SLC12A8: variants seen among roughly 807,000 people sequenced by gnomAD.
SLC12A8 encodes cation-chloride cotransporter 9.
A neutral mutation model predicts 75.6 loss-of-function variants in SLC12A8; 69 were observed. That is an observed-to-expected ratio of 0.91 (90% CI 0.75 to 1.11). SLC12A8 has a LOEUF of 1.11. SLC12A8 is among the 50% of genes most tolerant of loss of function. The pLI is 0.00. For synonymous variants in SLC12A8, 365 were observed against 372.8 expected, an observed-to-expected ratio of 0.98 and a Z score of 0.24; for missense variants, 877 against 896.7, an observed-to-expected ratio of 0.98 and a Z score of 0.28.
chr3:125,125,898 A>G (rs2107754528), intron 6 of SLC12A8: 1 of 980,846 alleles, frequency 1.0e-6, no homozygotes, highest in South Asian at 4.7e-5. Flanking sequence ...TGAGCTTATC[A>G]GTTATAATCG....
At chr3:125,146,515 C>T (rs1351357326) in intron 5 of SLC12A8, among the ~76,000 whole-genome samples, 3 of 152,236 alleles carry the variant, frequency 2.0e-5, no homozygotes, top group Non-Finnish European at 4.4e-5. Context: ...TTTCTTTCCA[C>T]AGCACCCTCC....
chr3:125,117,165 A>G (rs2107748446), intron 8 of SLC12A8, among the ~76,000 whole-genome samples: 1 of 152,328 alleles, frequency 6.6e-6, no homozygotes, highest in Admixed American at 6.5e-5. Flanking sequence ...ACCTGTGCTA[A>G]TGTGAAAACC....
At chr3:125,183,284 C>T (rs1343455084) in intron 4 of SLC12A8, among the ~76,000 whole-genome samples, 1 of 152,128 alleles carries the variant, frequency 6.6e-6, no homozygotes, top group Non-Finnish European at 1.5e-5. Flanking sequence ...TAAACGTATT[C>T]TATTTCCTCC....
intron 5 of SLC12A8, among the ~76,000 whole-genome samples, chr3:125,136,959 C>T (rs1933508192): frequency 6.6e-6 from 1 of 152,170 alleles, no homozygotes; most frequent in African/African-American, 2.4e-5. Context: ...TTGGTTTGTT[C>T]CTATTAACTG....
At chr3:125,113,776 C>A (rs1395497400) in intron 8 of SLC12A8, among the ~76,000 whole-genome samples, 1 of 152,162 alleles carries the variant, frequency 6.6e-6, no homozygotes, top group Non-Finnish European at 1.5e-5. Context: ...GTGAGCTACC[C>A]TGATTTCTTT....
At chr3:125,092,563 G>A (rs555842460) in intron 10 of SLC12A8, among the ~76,000 whole-genome samples, 93 of 152,276 alleles carry the variant, frequency 6.1e-4, no homozygotes, top group South Asian at 1.0e-3. Flanking sequence ...TGACCACCGG[G>A]ACTGCTAGGG....
chr3:125,193,784 T>C (rs762420204), intron 2 of SLC12A8, among the ~76,000 whole-genome samples: 2 of 152,074 alleles, frequency 1.3e-5, no homozygotes, highest in Non-Finnish European at 2.9e-5. Flanking sequence ...ATTCTCTGAG[T>C]GCCACCACCC....
chr3:125,139,957 T>C (rs1933588816), intron 5 of SLC12A8, among the ~76,000 whole-genome samples: 1 of 152,172 alleles, frequency 6.6e-6, no homozygotes, highest in East Asian at 1.9e-4. Context: ...GCATGGACCT[T>C]AAGGTTCGAG....
intron 5 of SLC12A8, among the ~76,000 whole-genome samples, chr3:125,141,151 C>T (rs746765097): frequency 1.5e-5 from 2 of 130,576 alleles, no homozygotes; most frequent in Admixed American, 1.7e-4. Flanking sequence ...TTAGGAAGAA[C>T]AAAAACAAAA....
intron 10 of SLC12A8, among the ~76,000 whole-genome samples, chr3:125,101,530 GT>G (rs1180241747): frequency 1.3e-5 from 2 of 152,124 alleles, no homozygotes; most frequent in Non-Finnish European, 2.9e-5. Context: ...CATCAGTTGT[GT>G]TTTGTCAGAA....
chr3:125,187,333 G>A lies in SLC12A8; in HGVS notation c.294C>T (p.Arg98=). The change falls in exon 4 of 14, where the codon CGC becomes CGT. Residue 98 remains arginine, a synonymous_variant. Transcript: ENST00000469902. ...TVLSGIGVGE[R]SSIGSGGVYS... is the part of the protein sequence containing the mutation. Reference sequence around the variant, plus strand: ...AGACGCCACCGCTGCCGATGCTGCTGCGCTCCCCGACGCCAATGCCAGACA... The same window carrying A: ...AGACGCCACCGCTGCCGATGCTGCTACGCTCCCCGACGCCAATGCCAGACA... The A allele has an allele frequency of 6.2e-7, 1 of 1,614,242 alleles. No homozygotes were observed.
intron 8 of SLC12A8, among the ~76,000 whole-genome samples, chr3:125,116,257 C>T (rs1002532358): frequency 2.6e-5 from 4 of 152,212 alleles, no homozygotes; most frequent in East Asian, 3.9e-4. Context: ...GCTGCACCTG[C>T]CCATTTCTAC....
At chr3:125,174,387 G>A (rs1934476346) in intron 5 of SLC12A8, among the ~76,000 whole-genome samples, 1 of 152,150 alleles carries the variant, frequency 6.6e-6, no homozygotes, top group Non-Finnish European at 1.5e-5. Flanking sequence ...CATTGTTGGT[G>A]GGAATGCAAA....
At chr3:125,187,739 G>A (rs1005288994) in intron 3 of SLC12A8, among the ~76,000 whole-genome samples, 1 of 151,922 alleles carries the variant, frequency 6.6e-6, no homozygotes, top group Non-Finnish European at 1.5e-5. Context: ...GACGTGCAGC[G>A]ACAAGTTCTC....
chr3:125,169,400 T>C (rs1045157849), intron 5 of SLC12A8, among the ~76,000 whole-genome samples: 11 of 152,102 alleles, frequency 7.2e-5, no homozygotes, highest in South Asian at 2.1e-4. Context: ...GCTGCCAGGC[T>C]GCAGATCAAG....
intron 2 of SLC12A8, among the ~76,000 whole-genome samples, chr3:125,193,849 C>T (rs144069983): frequency 3.0e-4 from 45 of 152,226 alleles, no homozygotes; most frequent in Middle Eastern, 6.8e-3. Flanking sequence ...GTGATGGTTG[C>T]TGAAGCTTAG....
chr3:125,159,614 G>A (rs1934124009), intron 5 of SLC12A8, among the ~76,000 whole-genome samples: 1 of 152,014 alleles, frequency 6.6e-6, no homozygotes, highest in Non-Finnish European at 1.5e-5. Flanking sequence ...GGTATTTCTG[G>A]ACATGGGTGT....
At chr3:125,139,695 G>C (rs1046505817) in intron 5 of SLC12A8, among the ~76,000 whole-genome samples, 1 of 152,170 alleles carries the variant, frequency 6.6e-6, no homozygotes, top group Non-Finnish European at 1.5e-5. Context: ...CTGACTGGCC[G>C]GTACTGGCTA....
At chr3:125,185,352 C>A (rs1934752848) in intron 4 of SLC12A8, among the ~76,000 whole-genome samples, 1 of 147,910 alleles carries the variant, frequency 6.8e-6, no homozygotes. Context: ...AAACAAAATT[C>A]CCAGATTAAA....
Sources: allele counts gnomAD v4.1 joint callset (sites outside exome capture counted in the v4.1 genomes callset), GRCh38; gene constraint gnomAD v4.1.1; transcripts MANE v1.5; gene names NCBI Gene and HGNC (gene_info 2026-07-23, HGNC 2026-07-21).